The following C10orf67 variants were observed in gnomAD, a reference collection of about 807,000 sequenced individuals.
The protein encoded by C10orf67 is chromosome 10 open reading frame 67.
C10orf67 carries 60 observed loss-of-function variants against 35.6 expected under a neutral mutation model. The ratio of observed to expected loss-of-function variants is 1.68; its 90% CI spans 1.37 to 2.09. C10orf67 has a LOEUF of 2.09. Ranked by LOEUF, C10orf67 falls within the 30% of genes most tolerant of loss-of-function variation. C10orf67 has a pLI of 0.00. For synonymous variants in C10orf67, 167 were observed against 115.8 expected (o/e 1.44, Z -2.84); for missense variants, 474 against 330.2 (o/e 1.44, Z -3.38).
chr10:23,271,160 T>C (rs1369284509), intron 8 of C10orf67, among the ~76,000 whole-genome samples: 1 of 151,936 alleles, frequency 6.6e-6, no homozygotes, highest in Non-Finnish European at 1.5e-5. Flanking sequence ...CCAACGAAGA[T>C]CAAAAAAGAC....
intron 4 of C10orf67, among the ~76,000 whole-genome samples, chr10:23,315,722 T>A (rs939386953): frequency 3.9e-5 from 6 of 152,234 alleles, no homozygotes; most frequent in Admixed American, 3.3e-4. Flanking sequence ...ATTATAGGCA[T>A]GAGCCTGGCC....
intron 13 of C10orf67, among the ~76,000 whole-genome samples, chr10:23,238,843 A>G (rs1842108740): frequency 6.6e-6 from 1 of 152,222 alleles, no homozygotes; most frequent in African/African-American, 2.4e-5. Context: ...AGAGAAATCA[A>G]GTATTAAAAT....
At chr10:23,259,262 A>G (rs1842685231) in intron 10 of C10orf67, among the ~76,000 whole-genome samples, 1 of 152,218 alleles carries the variant, frequency 6.6e-6, no homozygotes, top group South Asian at 2.1e-4. Context: ...GCTATTCTGT[A>G]TATCATGCCT....
In C10orf67 at chr10:23,225,418, C is replaced by G. The variant is rs550391392; in HGVS notation, c.1435-1600G>C. Among the ~76,000 whole-genome samples, 46 of 152,204 alleles carry G rather than the reference C, an allele frequency of 3.0e-4. No homozygotes were observed. In the East Asian group the frequency reaches 8.3e-3, roughly 27 times the overall value. On this transcript the variant is annotated intron_variant, in intron 13 of 15. Transcript: ENST00000636213. ...CAGTACCAGCCACTGCAAAAACATG[C>G]CAAATTGTAAAGACCATTAAGGCTA... is the stretch of plus-strand genomic sequence containing the variant.
rs55638393 is a variant in C10orf67 at position 23,297,230 on chromosome 10, C to CCCTTTCCTTTCCTTTCCTTTCCTTT, written c.703-5976_703-5952dup. Among the ~76,000 whole-genome samples the CCCTTTCCTTTCCTTTCCTTTCCTTT allele has an allele frequency of 4.1e-3, 592 of 145,714 alleles. 6 individuals are homozygous for CCCTTTCCTTTCCTTTCCTTTCCTTT. The highest frequency in any genetic ancestry group is 0.021 in the Middle Eastern group (6 of 290). ...TCTTCTTGGTGGTTCCTTTCTATTT[C>CCCTTTCCTTTCCTTTCCTTTCCTTT]CCTTTCCTTTCCTTTCCTTTCCTTT... On this transcript the variant is annotated intron_variant, in intron 5 of 15. Transcript: ENST00000636213.
intron 4 of C10orf67, among the ~76,000 whole-genome samples, chr10:23,313,875 T>C (rs894779186): frequency 6.6e-6 from 1 of 151,968 alleles, no homozygotes; most frequent in Non-Finnish European, 1.5e-5. Flanking sequence ...ATGGTCAGAC[T>C]TGTGTTTTGA....
intron 1 of C10orf67, among the ~76,000 whole-genome samples, chr10:23,336,499 T>G (rs1845686496): frequency 6.6e-6 from 1 of 152,168 alleles, no homozygotes. Context: ...TGGTTTCTTT[T>G]CTTTCTTCTC....
At chr10:23,235,121 T>C (rs1318622551) in intron 13 of C10orf67, among the ~76,000 whole-genome samples, 2 of 151,716 alleles carry the variant, frequency 1.3e-5, no homozygotes, top group African/African-American at 2.4e-5. Flanking sequence ...CAGTGCGATA[T>C]TGGCAAAAGG....
chr10:23,295,175 A>G (rs2132268924), intron 5 of C10orf67, among the ~76,000 whole-genome samples: 1 of 152,308 alleles, frequency 6.6e-6, no homozygotes, highest in East Asian at 1.9e-4. Flanking sequence ...CAGAAATTCT[A>G]ATGTGCTCTT....
chr10:23,305,434 T>G (rs1844239218), intron 4 of C10orf67, among the ~76,000 whole-genome samples: 1 of 152,142 alleles, frequency 6.6e-6, no homozygotes, highest in Non-Finnish European at 1.5e-5. Context: ...GGCCAGGAGT[T>G]TGGGACCAGC....
chr10:23,322,651 A>C, intron 2 of C10orf67, 114 bp from the exon 3 acceptor site: 1 of 656,442 alleles, frequency 1.5e-6, no homozygotes, highest in South Asian at 2.0e-5. Context: ...GTGCACAAAG[A>C]GGGGAGCAAC....
chr10:23,280,297 C>A (rs112550815), intron 8 of C10orf67, among the ~76,000 whole-genome samples: 189 of 152,170 alleles, frequency 1.2e-3, no homozygotes, highest in African/African-American at 4.4e-3. Flanking sequence ...AAAGTATTTA[C>A]ATTTTTACAA....
At chr10:23,301,121 G>T (rs919153062) in intron 5 of C10orf67, among the ~76,000 whole-genome samples, 13 of 152,226 alleles carry the variant, frequency 8.5e-5, no homozygotes, top group Admixed American at 7.9e-4. Flanking sequence ...CTTGGAGGGG[G>T]CATAATCGGG....
intron 5 of C10orf67, among the ~76,000 whole-genome samples, chr10:23,300,395 T>A (rs1844035648): frequency 6.6e-6 from 1 of 152,158 alleles, no homozygotes; most frequent in Non-Finnish European, 1.5e-5. Flanking sequence ...ATCCCGTTTG[T>A]CCCATTCCGC....
intron 2 of C10orf67, 43 bp from the exon 3 acceptor site, chr10:23,322,580 C>G (rs760609675): frequency 2.9e-6 from 4 of 1,361,738 alleles, no homozygotes; most frequent in African/African-American, 1.4e-5. Flanking sequence ...AACACAGGAA[C>G]AGAAAACCAA....
chr10:23,327,608 C>T (rs371781848), intron 2 of C10orf67, among the ~76,000 whole-genome samples: 3 of 152,086 alleles, frequency 2.0e-5, no homozygotes, highest in Non-Finnish European at 4.4e-5. Flanking sequence ...AGGCAGATCA[C>T]GAGGTCAGGA....
intron 15 of C10orf67, among the ~76,000 whole-genome samples, chr10:23,206,420 G>C (rs1450215902): frequency 6.6e-6 from 1 of 152,136 alleles, no homozygotes; most frequent in Admixed American, 6.5e-5. Flanking sequence ...CTGTCCATTT[G>C]TATGTATATA....
intron 12 of C10orf67, among the ~76,000 whole-genome samples, chr10:23,242,017 G>A (rs1842194144): frequency 6.6e-6 from 1 of 151,736 alleles, no homozygotes; most frequent in Non-Finnish European, 1.5e-5. Context: ...TGTTGCCCAG[G>A]CTGGAGTGCA....
intron 2 of C10orf67, among the ~76,000 whole-genome samples, chr10:23,326,935 G>A (rs930520778): frequency 4.6e-5 from 7 of 151,990 alleles, no homozygotes; most frequent in African/African-American, 1.7e-4. Flanking sequence ...ACAATATGAA[G>A]AGTTAACTGC....
Sources: allele counts gnomAD v4.1 joint callset (sites outside exome capture counted in the v4.1 genomes callset), GRCh38; gene constraint gnomAD v4.1.1; transcripts MANE v1.5; gene names NCBI Gene and HGNC (gene_info 2026-07-23, HGNC 2026-07-21).